Variants in ZFHX3 observed in about 807,000 individuals in gnomAD.
ZFHX3 encodes the protein zinc finger homeobox 3.
A neutral mutation model predicts 279.1 loss-of-function variants in ZFHX3; 42 were observed. That is an observed-to-expected ratio of 0.15 (90% CI 0.12 to 0.19). ZFHX3 has a LOEUF of 0.19. Among genes scored for constraint, ZFHX3 ranks in the 10% least tolerant of loss-of-function variants. The pLI is 1.00. For missense variants in ZFHX3, 4,981 were observed against 4,754.0 expected (o/e 1.05, Z -1.40); for synonymous variants, 2,293 against 1,957.8 (o/e 1.17, Z -4.52).
chr16:73,467,480 G>A (rs911243733), intron 2 of ZFHX3, among the ~76,000 whole-genome samples: 1 of 152,118 alleles, frequency 6.6e-6, no homozygotes, highest in Non-Finnish European at 1.5e-5. Context: ...AGGTAGCAGG[G>A]AAGTATTCAG....
intron 2 of ZFHX3, among the ~76,000 whole-genome samples, chr16:73,507,645 G>T (rs914908059): frequency 6.6e-6 from 1 of 151,780 alleles, no homozygotes; most frequent in African/African-American, 2.4e-5. Context: ...ACAGGTACAC[G>T]CCACCATGCC....
At chr16:73,410,982 C>T (rs566708128) in intron 3 of ZFHX3, among the ~76,000 whole-genome samples, 87 of 152,172 alleles carry the variant, frequency 5.7e-4, no homozygotes, top group Non-Finnish European at 1.1e-3. Context: ...CAGTTGTCAT[C>T]CCACCGACAT....
At chr16:73,077,639 G>C (rs1001398761) in intron 8 of ZFHX3, among the ~76,000 whole-genome samples, 1 of 151,984 alleles carries the variant, frequency 6.6e-6, no homozygotes, top group Non-Finnish European at 1.5e-5. Flanking sequence ...AAATGGTCAA[G>C]GTATATGACC....
At chr16:73,238,520 C>G (rs1185521464) in intron 5 of ZFHX3, among the ~76,000 whole-genome samples, 1 of 152,100 alleles carries the variant, frequency 6.6e-6, no homozygotes, top group East Asian at 1.9e-4. Context: ...TCCTATCGCT[C>G]TTCTCTTATT....
intron 5 of ZFHX3, among the ~76,000 whole-genome samples, chr16:73,180,086 T>C (rs954167638): frequency 1.3e-5 from 2 of 152,208 alleles, no homozygotes; most frequent in Non-Finnish European, 1.5e-5. Context: ...TACGGGAAAC[T>C]GTATAAACAG....
intron 1 of ZFHX3, among the ~76,000 whole-genome samples, chr16:72,989,178 T>TAA (rs548072736): frequency 0.011 from 1,576 of 138,368 alleles, 32 homozygotes; most frequent in East Asian, 0.099. Flanking sequence ...TGTCTCAAAT[T>TAA]AAAAAAAAAA....
At chr16:73,442,471 T>C (rs1442434997) in intron 3 of ZFHX3, among the ~76,000 whole-genome samples, 2 of 151,486 alleles carry the variant, frequency 1.3e-5, no homozygotes, top group East Asian at 3.9e-4. Flanking sequence ...GAATCTTTTT[T>C]AAATTAAAAA....
chr16:73,357,452 G>A (rs1315852042), intron 3 of ZFHX3, among the ~76,000 whole-genome samples: 1 of 152,174 alleles, frequency 6.6e-6, no homozygotes, highest in African/African-American at 2.4e-5. Context: ...ACTAAGAAGA[G>A]TACAGGGAAG....
At chr16:73,364,466 T>A (rs2016493727) in intron 3 of ZFHX3, among the ~76,000 whole-genome samples, 1 of 151,992 alleles carries the variant, frequency 6.6e-6, no homozygotes, top group South Asian at 2.1e-4. Flanking sequence ...ACCTCGTAGT[T>A]CTTTCGGTCT....
At chr16:73,840,037 C>T (rs984574836) in intron 1 of ZFHX3, among the ~76,000 whole-genome samples, 2 of 152,160 alleles carry the variant, frequency 1.3e-5, no homozygotes, top group African/African-American at 4.8e-5. Flanking sequence ...TTCTCTTGTC[C>T]AGGCATCTGG....
In ZFHX3 at chr16:72,900,393, T is replaced by A. The variant is rs1331266571; in HGVS notation, c.3217-10431A>T. 1.1e-4 allele frequency among the ~76,000 whole-genome samples: 16 copies of A among 152,206 alleles called. 1 individual carries two copies. The highest frequency in any genetic ancestry group is 1.0e-3 in the Admixed American group (16 of 15,286). On this transcript the variant is annotated intron_variant, in intron 3 of 9. Transcript: ENST00000268489. ...GCAGAAAAAAACACGTGTCTACTGG[T>A]CAAAACGGGTGTGCTACTTCATCTA...
At chr16:73,629,232 G>A (rs951856321) in intron 2 of ZFHX3, among the ~76,000 whole-genome samples, 1 of 152,134 alleles carries the variant, frequency 6.6e-6, no homozygotes, top group African/African-American at 2.4e-5. Context: ...CTGCACACTC[G>A]CTTCCAACCC....
intron 1 of ZFHX3, among the ~76,000 whole-genome samples, chr16:73,037,839 G>C (rs2144693173): frequency 6.6e-6 from 1 of 151,304 alleles, no homozygotes; most frequent in East Asian, 2.0e-4. Flanking sequence ...AACAAACAGA[G>C]CACCACCGGT....
intron 3 of ZFHX3, among the ~76,000 whole-genome samples, chr16:72,899,792 T>C (rs781158059): frequency 1.4e-4 from 22 of 152,166 alleles, no homozygotes; most frequent in Non-Finnish European, 2.6e-4. Flanking sequence ...GGATAATTCA[T>C]ATAAAATGTG....
chr16:73,321,225 G>A (rs1046538350), intron 3 of ZFHX3, among the ~76,000 whole-genome samples: 5 of 152,028 alleles, frequency 3.3e-5, no homozygotes, highest in African/African-American at 9.7e-5. Context: ...CCTATGATAC[G>A]CTCTGGCTTC....
rs2035230247 is a variant in ZFHX3, at chr16:72,783,851, A to G, written c.*3313T>C. The G allele has an allele frequency of 1.3e-5, 2 of 152,236 alleles. No individual in the cohort carries two copies. The highest frequency in any genetic ancestry group is 2.9e-5 in the Non-Finnish European group (2 of 68,040). The allele number at this position is 152,236 out of a possible 1,614,324, so 9.4% of individuals were successfully genotyped here. A position where few individuals can be genotyped will look rare whatever the true frequency, so the allele number is the denominator to read the frequency against. ...AATTCCCCAAGTGAGATAAAGCTAA[A>G]CAAACAGTTGAGCATTGTAGTGAAT... On this transcript the variant is annotated 3_prime_UTR_variant, in exon 10 of 10. Transcript: ENST00000268489.
At chr16:73,871,419 CAACGTGATTACAATGGCTTATTTCATGGA>C (rs986012574) in intron 1 of ZFHX3, among the ~76,000 whole-genome samples, 3 of 151,948 alleles carry the variant, frequency 2.0e-5, no homozygotes, top group African/African-American at 7.3e-5. Flanking sequence ...TCTATTAACC[CAACGTGATTACAATGGCTTATTTCATGGA>C]ATATTAAGTT....
At chr16:73,083,124 AC>A (rs1347194693) in intron 8 of ZFHX3, among the ~76,000 whole-genome samples, 1 of 152,058 alleles carries the variant, frequency 6.6e-6, no homozygotes, top group African/African-American at 2.4e-5. Context: ...GATCACTTGA[AC>A]CCAGGAGGTA....
chr16:73,312,600 C>T (rs2143170091), intron 4 of ZFHX3, among the ~76,000 whole-genome samples: 1 of 152,254 alleles, frequency 6.6e-6, no homozygotes, highest in Admixed American at 6.5e-5. Context: ...GAGGGGTCAA[C>T]ATTCATTGAG....
Sources: allele counts gnomAD v4.1 joint callset (sites outside exome capture counted in the v4.1 genomes callset), GRCh38; gene constraint gnomAD v4.1.1; transcripts MANE v1.5; gene names NCBI Gene and HGNC (gene_info 2026-07-23, HGNC 2026-07-21).